The following ZNF273 variants were observed in gnomAD, a reference collection of about 807,000 sequenced individuals.
ZNF273 encodes zinc finger protein 273.
In ZNF273, 11 loss-of-function variants were observed where a neutral mutation model predicts 14.9. The ratio of observed to expected loss-of-function variants is 0.74; its 90% CI spans 0.46 to 1.22. The LOEUF is 1.22. Among genes scored for constraint, ZNF273 ranks in the 50% most tolerant of loss-of-function variants. The pLI, the probability that ZNF273 is intolerant of heterozygous loss-of-function variation, is 0.00. For synonymous variants in ZNF273, 199 were observed against 223.9 expected (o/e 0.89, Z 0.99); for missense variants, 577 against 660.6 (o/e 0.87, Z 1.39).
chr7:64,888,386 G>A (rs1317700392), intron 1 of ZNF273: 1 of 985,618 alleles, frequency 1.0e-6, no homozygotes, highest in South Asian at 4.7e-5. Context: ...GAGAGGGAGA[G>A]AGAGCGAGCT....
At chr7:64,893,698 TC>T (rs1792187408), downstream of ZNF273, 3 of 19,762 alleles carry the variant, frequency 1.5e-4, no homozygotes, top group Non-Finnish European at 2.9e-4. Flanking sequence ...CCCCCTCCCC[TC>T]CCCCTCCCCT....
chr7:64,891,557 T>G (rs566858022), downstream of ZNF273, among the ~76,000 whole-genome samples: 30 of 152,332 alleles, frequency 2.0e-4, no homozygotes, highest in East Asian at 5.6e-3. Flanking sequence ...CAGACATCGT[T>G]GTGGCCCTGT....
intron 3 of ZNF273, among the ~76,000 whole-genome samples, chr7:64,918,942 A>T (rs1269133273): frequency 6.6e-6 from 1 of 152,132 alleles, no homozygotes; most frequent in East Asian, 1.9e-4. Context: ...AATTTTGAGA[A>T]ACTCTGTGTT....
intron 3 of ZNF273, among the ~76,000 whole-genome samples, chr7:64,896,336 C>T (rs371331472): frequency 1.3e-5 from 2 of 152,116 alleles, no homozygotes; most frequent in East Asian, 1.9e-4. Context: ...TATTTGGTTC[C>T]GCAAATGAAC....
At chr7:64,886,720 G>A (rs1463417038) in intron 1 of ZNF273, among the ~76,000 whole-genome samples, 1 of 152,204 alleles carries the variant, frequency 6.6e-6, no homozygotes, top group Non-Finnish European at 1.5e-5. Flanking sequence ...AGGTACAGTG[G>A]AGTTCTCAAC....
At chr7:64,897,266 T>C (rs758756059) in intron 3 of ZNF273, 3 of 152,224 alleles carry the variant, frequency 2.0e-5, no homozygotes, top group Non-Finnish European at 4.4e-5. Context: ...GAACAACCAC[T>C]TCTCAGCAGT....
chr7:64,888,943 G>A (rs1791784144), downstream of ZNF273: 1 of 981,272 alleles, frequency 1.0e-6, no homozygotes, highest in Non-Finnish European at 1.2e-6. Flanking sequence ...GTGGAGCCCA[G>A]GGTGTCCAGC....
chr7:64,886,149 T>TGAGGACAC (rs1791564489), intron 1 of ZNF273, among the ~76,000 whole-genome samples: 1 of 152,234 alleles, frequency 6.6e-6, no homozygotes, highest in Non-Finnish European at 1.5e-5. Flanking sequence ...CAGCCACCTG[T>TGAGGACAC]TGCAGAGCAG....
At chr7:64,884,446 G>T (rs1240223748), downstream of ZNF273, among the ~76,000 whole-genome samples, 1 of 152,146 alleles carries the variant, frequency 6.6e-6, no homozygotes, top group Non-Finnish European at 1.5e-5. Flanking sequence ...ACCCCAGACG[G>T]TTTCTGAAAC....
chr7:64,930,225 CAA>C lies in ZNF273; in HGVS notation c.*1189_*1190del, dbSNP rs1794957626. The C allele has an allele frequency of 6.6e-6, 1 of 151,358 alleles. No homozygotes were observed. The highest frequency in any genetic ancestry group is 2.5e-5 in the African/African-American group (1 of 40,764). 9.4% of individuals were successfully genotyped at this position (151,358 alleles called of 1,614,324 possible). A position where few individuals can be genotyped will look rare whatever the true frequency, so the allele number is the denominator to read the frequency against. On this transcript the variant is annotated 3_prime_UTR_variant, in exon 4 of 4. Transcript: ENST00000476120. Reference sequence around the variant, plus strand: ...AAAGCATGTGATCAACTTGCTGCATCAAAGATATGAGATTTTTTTTTTTATTA... The same window carrying C: ...AAAGCATGTGATCAACTTGCTGCATCAGATATGAGATTTTTTTTTTTATTA...
chr7:64,918,128 T>C, intron 2 of ZNF273, 69 bp from the exon 3 acceptor site: 2 of 1,411,390 alleles, frequency 1.4e-6, no homozygotes, highest in Admixed American at 1.9e-5. Context: ...TCCTCTTTAC[T>C]GAGCACATTA....
intron 1 of ZNF273, among the ~76,000 whole-genome samples, chr7:64,904,046 G>C (rs977096557): frequency 1.3e-5 from 2 of 152,110 alleles, no homozygotes; most frequent in African/African-American, 4.8e-5. Flanking sequence ...CCTGAATTTT[G>C]TTTCCCTCAA....
chr7:64,881,369 C>A (rs776165739), downstream of ZNF273, among the ~76,000 whole-genome samples: 1 of 152,242 alleles, frequency 6.6e-6, no homozygotes, highest in African/African-American at 2.4e-5. Flanking sequence ...CCACGGAGGA[C>A]GACCCTCATG....
chr7:64,890,895 G>T (rs559113575), downstream of ZNF273, among the ~76,000 whole-genome samples: 1 of 152,350 alleles, frequency 6.6e-6, no homozygotes, highest in Admixed American at 6.5e-5. Flanking sequence ...CCATCTGGAG[G>T]TTGGACAATT....
At chr7:64,913,290 T>A (rs3813699) in intron 1 of ZNF273, among the ~76,000 whole-genome samples, 7,442 of 152,182 alleles carry the variant, frequency 0.049, 560 homozygotes, top group African/African-American at 0.16. Flanking sequence ...ATGCATTTTT[T>A]AAAAAATCAG....
downstream of ZNF273, among the ~76,000 whole-genome samples, chr7:64,883,538 C>T (rs537335441): frequency 1.3e-5 from 2 of 152,284 alleles, no homozygotes; most frequent in East Asian, 3.9e-4. Flanking sequence ...TAAACAGGTG[C>T]GGACAGATGA....
intron 3 of ZNF273, among the ~76,000 whole-genome samples, chr7:64,896,017 C>CT (rs1285497445): frequency 0.01 from 1,490 of 145,596 alleles, 14 homozygotes; most frequent in African/African-American, 0.033. Context: ...TTTTTCTTTT[C>CT]TTTTTTTTTT....
At chr7:64,884,004 G>A (rs1346279635), downstream of ZNF273, among the ~76,000 whole-genome samples, 3 of 152,326 alleles carry the variant, frequency 2.0e-5, no homozygotes, top group East Asian at 5.8e-4. Context: ...CACTTCTATA[G>A]GATTGCAGCA....
chr7:64,906,360 T>C (rs1332470335), intron 1 of ZNF273, among the ~76,000 whole-genome samples: 2 of 152,202 alleles, frequency 1.3e-5, no homozygotes, highest in Non-Finnish European at 2.9e-5. Context: ...TAATAAAAAT[T>C]ATAAAATAAT....
Sources: gnomAD v4.1 joint callset for allele counts (sites outside exome capture counted in the v4.1 genomes callset) on GRCh38, gnomAD v4.1.1 for gene constraint, MANE v1.5 for transcripts, NCBI Gene and HGNC (gene_info 2026-07-23, HGNC 2026-07-21) for gene names.